SEMA3F: variants seen among roughly 807,000 people sequenced by gnomAD.
SEMA3F encodes semaphorin-3F.
In SEMA3F, 30 loss-of-function variants were observed where a neutral mutation model predicts 98.5. The ratio of observed to expected loss-of-function variants is 0.30; its 90% CI spans 0.23 to 0.41. SEMA3F has a LOEUF of 0.41. Among genes scored for constraint, SEMA3F ranks in the 10% least tolerant of loss-of-function variants. The pLI is 1.00. For synonymous variants in SEMA3F, 380 were observed against 444.8 expected, an observed-to-expected ratio of 0.85 and a Z score of 1.83; for missense variants, 866 against 1,119.3, an observed-to-expected ratio of 0.77 and a Z score of 3.23.
rs749081279 is a variant in SEMA3F at position 50,176,801 on chromosome 3, G to A, written c.583G>A (p.Glu195Lys). Residue 195 changes from glutamate to lysine, a missense_variant, in exon 7 of 19, where the codon GAG becomes AAG. Physicochemically the swap from Glu to Lys is moderately conservative, Grantham distance 56. Coordinates refer to ENST00000002829, the MANE Select transcript of SEMA3F (RefSeq NM_004186.5). ...CTTCTACCTGGAGCCTGAGCGACTC[G>A]AGTCAGGGAAGGGCAAGTGTCCGTA... ...YIFYLEPERL[E>K]SGKGKCPYDP... is the part of the protein sequence containing the mutation. The A allele has an allele frequency of 3.1e-6, 5 of 1,613,528 alleles. No individual in the cohort carries two copies. Among genetic ancestry groups the A allele is most frequent in the Admixed American group, 1.7e-5 (1 of 59,994 alleles).
intron 2 of SEMA3F, among the ~76,000 whole-genome samples, chr3:50,168,810 T>A (rs1304855739): frequency 6.6e-6 from 1 of 152,188 alleles, no homozygotes; most frequent in Non-Finnish European, 1.5e-5. Flanking sequence ...ACTGCTACTA[T>A]AGCCTTGGCT....
At chr3:50,187,365 G>A (rs1699255597) in intron 18 of SEMA3F, among the ~76,000 whole-genome samples, 1 of 140,052 alleles carries the variant, frequency 7.1e-6, no homozygotes, top group Non-Finnish European at 1.5e-5. Context: ...AGAGGTTGCA[G>A]TAAACCGAGA....
chr3:50,161,111 G>A (rs1380345625), intron 2 of SEMA3F, among the ~76,000 whole-genome samples: 2 of 150,722 alleles, frequency 1.3e-5, no homozygotes, highest in African/African-American at 5.0e-5. Flanking sequence ...CCCAGCCCAG[G>A]GTCTGGCAGC....
In SEMA3F at chr3:50,182,401, A is replaced by G; in HGVS notation, c.761A>G (p.Asn254Ser). The change falls in exon 8 of 19, where the codon AAC (asparagine) becomes AGC (serine). Residue 254 changes from asparagine (N) to serine (S), a missense_variant and splice_region_variant. Physicochemically the swap from Asn to Ser is conservative, Grantham distance 46 (BLOSUM62 1). This residue lies in a region of SEMA3F where 374 missense variants were observed against 582.8 expected (regional missense o/e 0.64). Coordinates refer to ENST00000002829, the MANE Select transcript of SEMA3F (RefSeq NM_004186.5). The surrounding 1 kb of genome is among the most constrained non-coding windows in gnomAD (Gnocchi z 4.5). ...RTDQYNSRWL[N>S]DPSFIHAELI... is the part of the protein sequence containing the mutation. Reference sequence around the variant, plus strand: ...GATCAGTACAACTCCCGGTGGCTGAACGGTAAGCGCAGCCCCAGGAGCCCT... The same window carrying G: ...GATCAGTACAACTCCCGGTGGCTGAGCGGTAAGCGCAGCCCCAGGAGCCCT... 6.2e-7 allele frequency: 1 copy of G among 1,613,694 alleles called. No homozygotes were observed.
chr3:50,167,691 G>A (rs939266273), intron 2 of SEMA3F, among the ~76,000 whole-genome samples: 2 of 152,122 alleles, frequency 1.3e-5, no homozygotes, highest in African/African-American at 4.8e-5. Flanking sequence ...CTTGCAAAGG[G>A]GCCCCTCGTT....
At position 50,161,697 on chromosome 3, in the gene SEMA3F, G is replaced by A. The variant is rs748009681; in HGVS notation, c.112+1963G>A. Among the ~76,000 whole-genome samples the A allele has an allele frequency of 1.2e-4, 18 of 152,238 alleles. 1 individual carries two copies. Among genetic ancestry groups the A allele is most frequent in the Non-Finnish European group, 2.4e-4 (16 of 68,036 alleles). On this transcript the variant is annotated intron_variant, in intron 2 of 18. Transcript: ENST00000002829. ...CACTTACTACTGTATGACAGGCCCCGTGCTGAGTGCTGGGGACTCTGTGGT... is the reference window on the plus strand; with the variant it reads ...CACTTACTACTGTATGACAGGCCCCATGCTGAGTGCTGGGGACTCTGTGGT...
In SEMA3F at chr3:50,158,429, A is replaced by T. The variant is rs1185559271; in HGVS notation, c.-48-1146A>T. Among the ~76,000 whole-genome samples, 1 of 152,098 alleles carries T rather than the reference A, an allele frequency of 6.6e-6. No homozygotes were observed. Among genetic ancestry groups the T allele is most frequent in the African/African-American group, 2.4e-5 (1 of 41,416 alleles). On this transcript the variant is annotated intron_variant, in intron 1 of 18. Transcript: ENST00000002829. The surrounding 1 kb of genome is among the most constrained non-coding windows in gnomAD (Gnocchi z 4.8). ...AGGGCTGGGGGAGGTGGGTCTAGGG[A>T]TGTCATCAGGGTCTAATGAGTGGGG... is the stretch of plus-strand genomic sequence containing the variant.
chr3:50,169,222 C>T (rs1309514329), intron 2 of SEMA3F, among the ~76,000 whole-genome samples: 2 of 152,172 alleles, frequency 1.3e-5, no homozygotes, highest in East Asian at 1.9e-4. Context: ...GCTGTGGACA[C>T]GCCTCCTCAG....
chr3:50,164,094 G>A (rs1227852661), intron 2 of SEMA3F, among the ~76,000 whole-genome samples: 2 of 152,284 alleles, frequency 1.3e-5, no homozygotes, highest in African/African-American at 4.8e-5. Flanking sequence ...CCTGCCTGAC[G>A]CCCAGCCTGG....
At chr3:50,165,729 C>T (rs965344780) in intron 2 of SEMA3F, among the ~76,000 whole-genome samples, 1 of 152,242 alleles carries the variant, frequency 6.6e-6, no homozygotes. Flanking sequence ...AGGCTATGGT[C>T]TGAATCCAAA....
chr3:50,167,807 T>G (rs1437886274), intron 2 of SEMA3F, among the ~76,000 whole-genome samples: 1 of 152,130 alleles, frequency 6.6e-6, no homozygotes, highest in African/African-American at 2.4e-5. Flanking sequence ...CATAACCATC[T>G]CCACCTTACC....
chr3:50,165,329 T>A (rs1211904129), intron 2 of SEMA3F, among the ~76,000 whole-genome samples: 1 of 152,226 alleles, frequency 6.6e-6, no homozygotes, highest in Non-Finnish European at 1.5e-5. Flanking sequence ...GTTTTTAAGC[T>A]CTTTTTCCTC....
chr3:50,176,286 G>A (rs1023261370), intron 6 of SEMA3F, among the ~76,000 whole-genome samples: 7 of 152,160 alleles, frequency 4.6e-5, no homozygotes, highest in South Asian at 4.1e-4. Flanking sequence ...GAGCTCTCTG[G>A]CCTGGCTAGA....
rs561302213 is a variant in SEMA3F at position 50,166,099 on chromosome 3, C to T, written c.112+6365C>T. Among the ~76,000 whole-genome samples, 61 of 151,914 alleles carry T rather than the reference C, an allele frequency of 4.0e-4. No homozygotes were observed. Among genetic ancestry groups the T allele is most frequent in the African/African-American group, 1.4e-3 (60 of 41,402 alleles). On this transcript the variant is annotated intron_variant, in intron 2 of 18. Coordinates refer to ENST00000002829, the MANE Select transcript of SEMA3F (RefSeq NM_004186.5). This position sits in a 1 kb window ranked among gnomAD's most constrained non-coding sequence, Gnocchi z 4.7. ...GGATCCCCCTTCCCCCACTCTTCTT[C>T]CTTCCTTCCTCCCCCTACTCCCCCT... is the stretch of plus-strand genomic sequence containing the variant.
At chr3:50,170,656 A>T (rs1698566098) in intron 2 of SEMA3F, among the ~76,000 whole-genome samples, 1 of 152,100 alleles carries the variant, frequency 6.6e-6, no homozygotes, top group Non-Finnish European at 1.5e-5. Context: ...GAGATGGTCT[A>T]GACTAGAGAA....
intron 2 of SEMA3F, among the ~76,000 whole-genome samples, chr3:50,161,559 C>A (rs564642660): frequency 5.3e-5 from 8 of 152,230 alleles, no homozygotes; most frequent in Admixed American, 4.6e-4. Flanking sequence ...CTGCAGCGCA[C>A]CTGGGGCCAC....
intron 7 of SEMA3F, among the ~76,000 whole-genome samples, chr3:50,178,681 C>T (rs67627084): frequency 0.45 from 66,233 of 148,422 alleles, 16,414 homozygotes; most frequent in South Asian, 0.74. Context: ...GAGATCGCAC[C>T]ACTGCACTCC....
Position 50,185,859 on chromosome 3 carries a change from G to A in SEMA3F, c.1588-30G>A, listed in dbSNP as rs767982407. 9 of 1,607,306 alleles carry A rather than the reference G, an allele frequency of 5.6e-6. No individual in the cohort carries two copies. The East Asian group carries it at 1.8e-4, about 32-fold the overall frequency. On this transcript the variant is annotated intron_variant, in intron 15 of 18. Coordinates refer to ENST00000002829, the MANE Select transcript of SEMA3F (RefSeq NM_004186.5). ...GTTGGTGGGGCTGGCTATGGGACAG[G>A]AACTGACAAGGCCCTACCCTTTGCC...
At position 50,173,836 on chromosome 3, in the gene SEMA3F, C is replaced by T. The variant is rs368006800; in HGVS notation, c.156C>T (p.Leu52=). The T allele has an allele frequency of 5.6e-6, 9 of 1,613,994 alleles. No homozygotes were observed. In the African/African-American group the frequency reaches 1.1e-4, roughly 19 times the overall value. ...TGTAHFFNFL[L]NTTDYRILLK... is the part of the protein sequence containing the mutation. ...CCGCCCACTTCTTCAACTTCCTGCT[C>T]AACACAACCGACTACCGAATCTTGC... The change falls in exon 3 of 19, where the codon CTC becomes CTT. Residue 52 remains leucine, a synonymous_variant. Coordinates refer to ENST00000002829, the MANE Select transcript of SEMA3F (RefSeq NM_004186.5).
Sources: allele counts gnomAD v4.1 joint callset (sites outside exome capture counted in the v4.1 genomes callset), GRCh38; gene constraint gnomAD v4.1.1; regional missense constraint gnomAD v4.1.1; non-coding constraint Gnocchi (gnomAD v3.1); transcripts MANE v1.5; gene names NCBI Gene and HGNC (gene_info 2026-07-23, HGNC 2026-07-21).